The following PTGES variants were observed in gnomAD, a reference collection of about 807,000 sequenced individuals.
PTGES encodes MGST1-like 1.
Under a neutral mutation model 11.8 loss-of-function variants are expected in PTGES, and 3 were observed. That is an observed-to-expected ratio of 0.25 (90% CI 0.12 to 0.66). The LOEUF (loss-of-function observed/expected upper bound fraction) is 0.66, where lower values mean the gene tolerates loss of function less well. Among genes scored for constraint, PTGES ranks in the 30% least tolerant of loss-of-function variants. The pLI is 0.82. For missense variants in PTGES, 180 were observed against 213.0 expected (o/e 0.85, Z 0.96); for synonymous variants, 94 against 90.4 (o/e 1.04, Z -0.22).
At chr9:129,748,848 C>T in intron 1 of PTGES, 111 bp from the exon 2 acceptor site, 2 of 827,008 alleles carry the variant, frequency 2.4e-6, no homozygotes, top group South Asian at 3.5e-5. Flanking sequence ...GGTGCAGTTG[C>T]ACACACACCC....
intron 1 of PTGES, among the ~76,000 whole-genome samples, chr9:129,751,125 G>T (rs1253871175): frequency 6.6e-6 from 1 of 152,112 alleles, no homozygotes; most frequent in Admixed American, 6.6e-5. Flanking sequence ...CCAGGAGTTT[G>T]AGACCAGCCT....
chr9:129,752,249 A>G (rs1833119281), intron 1 of PTGES, among the ~76,000 whole-genome samples: 1 of 152,220 alleles, frequency 6.6e-6, no homozygotes, highest in Non-Finnish European at 1.5e-5. Context: ...TGCCGCCAGG[A>G]CAGCCGACAA....
rs772660330 is a variant in PTGES at position 129,752,981 on chromosome 9, G to A, written c.32C>T (p.Pro11Leu). The A allele has an allele frequency of 5.6e-6, 9 of 1,609,606 alleles. No homozygotes were observed. Among genetic ancestry groups the A allele is most frequent in the South Asian group, 1.1e-5 (1 of 91,084 alleles). The change falls in exon 1 of 3, where the codon CCG (proline) becomes CTG (leucine). Residue 11 changes from proline (P) to leucine (L), a missense_variant. By Grantham distance (98) the Pro-to-Leu change is moderately conservative. Transcript: ENST00000340607. ...GCAGAGCAGGAAGGCCGGGAGGGCC[G>A]GGCTGCTCATCACCAGGCTGTGGGC... MPAHSLVMSS[P>L]ALPAFLLCST... is the part of the protein sequence containing the mutation.
At chr9:129,742,347 AAAAC>A (rs1200702885) in intron 2 of PTGES, among the ~76,000 whole-genome samples, 1 of 149,632 alleles carries the variant, frequency 6.7e-6, no homozygotes, top group African/African-American at 2.5e-5. Context: ...AAAAAAAAAA[AAAAC>A]ATAAAACAAA....
rs199692596 is a variant in PTGES, at chr9:129,739,500, G to A, written c.*111C>T. 8.4e-6 allele frequency: 12 copies of A among 1,429,642 alleles called. No individual in the cohort carries two copies. The African/African-American group carries it at 1.3e-4, about 15-fold the overall frequency. The allele number at this position is 1,429,642 out of a possible 1,614,324, so 88.6% of individuals were successfully genotyped here. On this transcript the variant is annotated 3_prime_UTR_variant, in exon 3 of 3. Transcript: ENST00000340607. This position sits in a 1 kb window ranked among gnomAD's most constrained non-coding sequence, Gnocchi z 5.7. Reference sequence around the variant, plus strand: ...ACCCACACGCGCAGCAGGCTGCCAGGAAACCAGGACTCAGGGCCCACCACA... The same window carrying A: ...ACCCACACGCGCAGCAGGCTGCCAGAAAACCAGGACTCAGGGCCCACCACA...
chr9:129,750,104 T>C (rs766874091), intron 1 of PTGES, among the ~76,000 whole-genome samples: 1 of 152,152 alleles, frequency 6.6e-6, no homozygotes, highest in Non-Finnish European at 1.5e-5. Flanking sequence ...CTTTCTCTCA[T>C]TGGAAAGCAG....
At chr9:129,742,328 C>CAAAAAAAAAAAA (rs1194614585) in intron 2 of PTGES, among the ~76,000 whole-genome samples, 16 of 50,868 alleles carry the variant, frequency 3.1e-4, no homozygotes, top group East Asian at 5.7e-4. Flanking sequence ...GACTCTGTCT[C>CAAAAAAAAAAAA]AAAAAAAAAA....
intron 2 of PTGES, among the ~76,000 whole-genome samples, chr9:129,744,932 T>C (rs1488708428): frequency 6.6e-6 from 1 of 152,028 alleles, no homozygotes; most frequent in Non-Finnish European, 1.5e-5. Context: ...AAGGGAGTAT[T>C]AGGCTGGAAA....
rs1267936560 is a variant in PTGES at position 129,753,009 on chromosome 9, G to A, written c.4C>T (p.Pro2Ser). 6.2e-7 allele frequency: 1 copy of A among 1,604,380 alleles called. No individual in the cohort carries two copies. The highest frequency in any genetic ancestry group is 1.7e-5 in the Admixed American group (1 of 59,988). Residue 2 changes from proline (P) to serine (S), a missense_variant, in exon 1 of 3, where the codon CCT (proline) becomes TCT (serine). Coordinates refer to ENST00000340607, the MANE Select transcript of PTGES (RefSeq NM_004878.5). M[P>S]AHSLVMSSPA... ...CTGCTCATCACCAGGCTGTGGGCAG[G>A]CATCTCTGGCCAGCGCAGCTCAACT... is the stretch of plus-strand genomic sequence containing the variant.
rs1190896350 is a variant in PTGES at position 129,739,128 on chromosome 9, T to C, written c.*483A>G. On this transcript the variant is annotated 3_prime_UTR_variant, in exon 3 of 3. Transcript: ENST00000340607. This position sits in a 1 kb window ranked among gnomAD's most constrained non-coding sequence, Gnocchi z 5.7. ...GCTTGGGCAACAGAGCAAGACTCTG[T>C]CTTGGAAAAAAAAAAATACAGATGG... 1 of 162,904 alleles carries C rather than the reference T, an allele frequency of 6.1e-6. No individual in the cohort carries two copies. The highest frequency in any genetic ancestry group is 2.4e-5 in the African/African-American group (1 of 41,296). The allele number at this position is 162,904 out of a possible 1,614,324, so 10.1% of individuals were successfully genotyped here.
At chr9:129,746,622 T>C (rs1242268502) in intron 2 of PTGES, among the ~76,000 whole-genome samples, 1 of 152,164 alleles carries the variant, frequency 6.6e-6, no homozygotes, top group Non-Finnish European at 1.5e-5. Context: ...GAAAGAAATT[T>C]GTATTATTTA....
At position 129,743,192 on chromosome 9, in the gene PTGES, T is replaced by C. The variant is rs142208317; in HGVS notation, c.210-3332A>G. Among the ~76,000 whole-genome samples the C allele has an allele frequency of 2.0e-3, 310 of 152,246 alleles. 3 individuals carry two copies. Among genetic ancestry groups the C allele is most frequent in the African/African-American group, 7.0e-3 (289 of 41,554 alleles). Reference sequence around the variant, plus strand: ...GTCAGGAGCTCTGACTGTCAGCCCCTGGGGCTGGCCCAGCCCTCCCTCACT... The same window carrying C: ...GTCAGGAGCTCTGACTGTCAGCCCCCGGGGCTGGCCCAGCCCTCCCTCACT... On this transcript the variant is annotated intron_variant, in intron 2 of 2. Transcript: ENST00000340607.
chr9:129,748,418 G>A (rs1292073392), intron 2 of PTGES, among the ~76,000 whole-genome samples: 1 of 152,186 alleles, frequency 6.6e-6, no homozygotes, highest in Non-Finnish European at 1.5e-5. Flanking sequence ...GAGGGAGACT[G>A]AATGTTCACT....
Position 129,739,625 on chromosome 9 carries a change from C to T in PTGES, c.445G>A (p.Ala149Thr), listed in dbSNP as rs201110858. ...TCAGCTGCTGGTCACAGGTGGCGGG[C>T]CGCTTCCCAGAGGATCTGCAGAGCC... is the stretch of plus-strand genomic sequence containing the variant. ...SMALQILWEAARHL is the reference protein window; with the variant it reads ...SMALQILWEATRHL The change falls in exon 3 of 3, where the codon GCC (alanine) becomes ACC (threonine). Residue 149 changes from alanine (A) to threonine (T), a missense_variant. By Grantham distance (58) the Ala-to-Thr change is moderately conservative (BLOSUM62 0). Transcript: ENST00000340607. The surrounding 1 kb of genome is among the most constrained non-coding windows in gnomAD (Gnocchi z 5.7). 1.4e-5 allele frequency: 22 copies of T among 1,551,198 alleles called. No individual in the cohort carries two copies. In the African/African-American group the frequency reaches 2.2e-4, roughly 15 times the overall value.
At chr9:129,748,778 C>T (rs201593139) in intron 1 of PTGES, 41 bp from the exon 2 acceptor site, 101 of 1,509,950 alleles carry the variant, frequency 6.7e-5, no homozygotes, top group Admixed American at 5.3e-4. Flanking sequence ...GTGAGACAAA[C>T]GGCCCAGTCA....
chr9:129,743,122 C>A (rs976058068), intron 2 of PTGES, among the ~76,000 whole-genome samples: 3 of 152,164 alleles, frequency 2.0e-5, no homozygotes, highest in Non-Finnish European at 2.9e-5. Flanking sequence ...CTATTTCCAG[C>A]CATTGGGCAG....
At position 129,745,105 on chromosome 9, in the gene PTGES, C is replaced by T. The variant is rs900884583; in HGVS notation, c.209+3550G>A. Among the ~76,000 whole-genome samples the T allele has an allele frequency of 6.6e-6, 1 of 152,112 alleles. No individual in the cohort carries two copies. The highest frequency in any genetic ancestry group is 2.4e-5 in the African/African-American group (1 of 41,418). ...CCCAATTTCCTGACAAATCAGTTCA[C>T]TCAGTTTAAGTCTATACACTCCAAA... is the stretch of plus-strand genomic sequence containing the variant. On this transcript the variant is annotated intron_variant, in intron 2 of 2. Transcript: ENST00000340607. The surrounding 1 kb of genome is among the most constrained non-coding windows in gnomAD (Gnocchi z 4.2).
chr9:129,748,861 C>T (rs989740974), intron 1 of PTGES, 124 bp from the exon 2 acceptor site: 36 of 748,196 alleles, frequency 4.8e-5, no homozygotes, highest in South Asian at 4.4e-4. Context: ...ACACACCCAT[C>T]CAACCATCAT....
chr9:129,744,727 A>G (rs761344462), intron 2 of PTGES, among the ~76,000 whole-genome samples: 2 of 151,828 alleles, frequency 1.3e-5, no homozygotes, highest in Non-Finnish European at 2.9e-5. Context: ...AAATACAAAC[A>G]TTAGCCAGGA....
Sources: allele counts gnomAD v4.1 joint callset (sites outside exome capture counted in the v4.1 genomes callset), GRCh38; gene constraint gnomAD v4.1.1; non-coding constraint Gnocchi (gnomAD v3.1); transcripts MANE v1.5; gene names NCBI Gene and HGNC (gene_info 2026-07-23, HGNC 2026-07-21).